Variants in SDCCAG8 observed in about 807,000 individuals in gnomAD.
SDCCAG8 encodes SHH signaling and ciliogenesis regulator SDCCAG8, also known as serologically defined colon cancer antigen 8.
SDCCAG8 carries 74 observed loss-of-function variants against 101.8 expected under a neutral mutation model. That is an observed-to-expected ratio of 0.73 (90% confidence interval 0.60 to 0.88). The LOEUF is 0.88. Ranked by LOEUF, SDCCAG8 falls within the 40% of genes least tolerant of loss-of-function variation. The pLI, the probability that SDCCAG8 is intolerant of heterozygous loss-of-function variation, is 0.00. For missense variants in SDCCAG8, 787 were observed against 822.6 expected, an observed-to-expected ratio of 0.96 and a Z score of 0.53; for synonymous variants, 281 against 292.9, an observed-to-expected ratio of 0.96 and a Z score of 0.41.
At chr1:243,330,747 C>T in intron 10 of SDCCAG8, 55 bp downstream of exon 10, 35 of 1,568,902 alleles carry the variant, frequency 2.2e-5, no homozygotes, top group Middle Eastern at 1.7e-4. Flanking sequence ...TTTTATGATG[C>T]CATTGATGAT....
chr1:243,420,888 AG>A (rs904402452), intron 15 of SDCCAG8, among the ~76,000 whole-genome samples: 1 of 152,190 alleles, frequency 6.6e-6, no homozygotes, highest in Non-Finnish European at 1.5e-5. Context: ...TAAAACTTGA[AG>A]GGCTTAAACT....
intron 11 of SDCCAG8, among the ~76,000 whole-genome samples, chr1:243,341,406 G>A (rs1395007666): frequency 6.6e-6 from 1 of 152,218 alleles, no homozygotes; most frequent in Non-Finnish European, 1.5e-5. Flanking sequence ...CACCAGTCAT[G>A]GCCTTGAAGA....
chr1:243,337,397 T>C (rs900585403), intron 10 of SDCCAG8, among the ~76,000 whole-genome samples: 1 of 152,226 alleles, frequency 6.6e-6, no homozygotes. Flanking sequence ...ATTTTGTCCC[T>C]AGTAAGCCCT....
intron 11 of SDCCAG8, among the ~76,000 whole-genome samples, chr1:243,343,934 G>A (rs1262085210): frequency 1.3e-5 from 2 of 152,122 alleles, no homozygotes; most frequent in South Asian, 2.1e-4. Flanking sequence ...TTGATAATAT[G>A]CAATTGAAAC....
chr1:243,477,474 G>A (rs1417727701), intron 16 of SDCCAG8, among the ~76,000 whole-genome samples: 1 of 152,192 alleles, frequency 6.6e-6, no homozygotes, highest in Non-Finnish European at 1.5e-5. Flanking sequence ...GTTTCATGGT[G>A]TCAGGATCCT....
At chr1:243,410,532 G>A (rs1181335134) in intron 13 of SDCCAG8, among the ~76,000 whole-genome samples, 1 of 152,134 alleles carries the variant, frequency 6.6e-6, no homozygotes, top group African/African-American at 2.4e-5. Context: ...AGAGTTGTAT[G>A]TCTCACATTG....
chr1:243,450,206 C>T (rs2083250246), intron 16 of SDCCAG8, among the ~76,000 whole-genome samples: 1 of 152,148 alleles, frequency 6.6e-6, no homozygotes, highest in Non-Finnish European at 1.5e-5. Context: ...TCTCTGAAGT[C>T]CCAGTGTATG....
At chr1:243,429,811 C>T (rs1044294355) in intron 16 of SDCCAG8, among the ~76,000 whole-genome samples, 1 of 149,380 alleles carries the variant, frequency 6.7e-6, no homozygotes, top group Non-Finnish European at 1.5e-5. Flanking sequence ...AAACAATTCT[C>T]CTGCCTCAGC....
intron 15 of SDCCAG8, among the ~76,000 whole-genome samples, chr1:243,419,553 A>G (rs1398687989): frequency 6.6e-6 from 1 of 152,196 alleles, no homozygotes. Flanking sequence ...ATTATATAAA[A>G]GAGACAAAAA....
At chr1:243,260,337 T>C (rs956012932) in intron 1 of SDCCAG8, among the ~76,000 whole-genome samples, 11 of 152,230 alleles carry the variant, frequency 7.2e-5, no homozygotes, top group African/African-American at 2.2e-4. Context: ...GGTGTTCATT[T>C]ACTCTATGGG....
chr1:243,487,212 G>C (rs1204523062), intron 16 of SDCCAG8, among the ~76,000 whole-genome samples: 3 of 152,150 alleles, frequency 2.0e-5, no homozygotes, highest in Non-Finnish European at 2.9e-5. Flanking sequence ...TCCCCAGTCC[G>C]CTGGCCCGGG....
chr1:243,269,739 C>T (rs935710626), intron 1 of SDCCAG8, among the ~76,000 whole-genome samples: 3 of 152,100 alleles, frequency 2.0e-5, no homozygotes, highest in Non-Finnish European at 4.4e-5. Flanking sequence ...CCCTCTGTCT[C>T]CAAGTTGGTA....
chr1:243,467,005 T>G (rs567427914), intron 16 of SDCCAG8, among the ~76,000 whole-genome samples: 2 of 152,362 alleles, frequency 1.3e-5, no homozygotes, highest in South Asian at 4.1e-4. Context: ...TCATGCTGCA[T>G]TCCAGAATCC....
intron 12 of SDCCAG8, among the ~76,000 whole-genome samples, chr1:243,355,535 A>G (rs900802276): frequency 6.6e-6 from 1 of 152,208 alleles, no homozygotes; most frequent in Non-Finnish European, 1.5e-5. Flanking sequence ...TGGAAGAGAA[A>G]GAATCGTTCT....
At chr1:243,454,172 T>A (rs1185349291) in intron 16 of SDCCAG8, among the ~76,000 whole-genome samples, 2 of 152,196 alleles carry the variant, frequency 1.3e-5, no homozygotes, top group Admixed American at 1.3e-4. Flanking sequence ...ATTTCACTGA[T>A]GAATATGGTA....
rs1491423036 is a variant in SDCCAG8, at chr1:243,477,034, A to AC, written c.1986-11980_1986-11979insC. On this transcript the variant is annotated intron_variant, in intron 16 of 17. Coordinates refer to ENST00000366541, the MANE Select transcript of SDCCAG8 (RefSeq NM_006642.5). ...CACACACACACACACACACACACAC[A>AC]GAGAGAAAGGCAGGAGAGCGTAATC... 1.1e-3 allele frequency among the ~76,000 whole-genome samples: 97 copies of AC among 90,838 alleles called. 1 individual carries two copies. Among genetic ancestry groups the AC allele is most frequent in the Non-Finnish European group, 1.6e-4 (7 of 44,694 alleles). The allele number at this position is 90,838 out of a possible 152,430, so 59.6% of individuals were successfully genotyped here.
chr1:243,283,934 G>C (rs2149281816), intron 4 of SDCCAG8, among the ~76,000 whole-genome samples: 1 of 152,164 alleles, frequency 6.6e-6, no homozygotes, highest in Admixed American at 6.5e-5. Context: ...AGTAGAGATG[G>C]GGTTTCACTA....
At chr1:243,362,970 C>T (rs2076803344) in intron 12 of SDCCAG8, among the ~76,000 whole-genome samples, 2 of 152,136 alleles carry the variant, frequency 1.3e-5, no homozygotes, top group South Asian at 4.1e-4. Flanking sequence ...TGGTCATTTT[C>T]GTTTGGGCCT....
intron 12 of SDCCAG8, among the ~76,000 whole-genome samples, chr1:243,360,897 C>A (rs2076672336): frequency 6.6e-6 from 1 of 152,116 alleles, no homozygotes; most frequent in African/African-American, 2.4e-5. Context: ...CTGAAACCAT[C>A]CAGTGGTTCC....
Sources: allele counts gnomAD v4.1 joint callset (sites outside exome capture counted in the v4.1 genomes callset), GRCh38; gene constraint gnomAD v4.1.1; transcripts MANE v1.5; gene names NCBI Gene and HGNC (gene_info 2026-07-23, HGNC 2026-07-21).